Variants in AFF1 observed in about 807,000 individuals in gnomAD.
AFF1 encodes the protein ALF transcription elongation factor 1, also known as AF4/FMR2 family member 1.
In AFF1, 48 loss-of-function variants were observed where a neutral mutation model predicts 121.7. The observed-to-expected ratio is 0.39, with a 90% CI of 0.31 to 0.50. AFF1 has a LOEUF of 0.50. Ranked by LOEUF, AFF1 falls within the 20% of genes least tolerant of loss-of-function variation. The pLI is 0.76. For synonymous variants in AFF1, 613 were observed against 563.0 expected (o/e 1.09, Z -1.26); for missense variants, 1,523 against 1,511.7 (o/e 1.01, Z -0.12).
chr4:86,968,336 T>C (rs1490414377), intron 2 of AFF1, among the ~76,000 whole-genome samples: 5 of 152,222 alleles, frequency 3.3e-5, no homozygotes, highest in Non-Finnish European at 4.4e-5. Flanking sequence ...AAATAATTTA[T>C]AGAAGAATGA....
chr4:87,047,322 A>G lies in AFF1; in HGVS notation c.787A>G (p.Lys263Glu), dbSNP rs1454373811. 6.2e-7 allele frequency: 1 copy of G among 1,614,184 alleles called. No homozygotes were observed. Among genetic ancestry groups the G allele is most frequent in the African/African-American group, 1.3e-5 (1 of 75,036 alleles). ...PKDLAVKVHD[K>E]ETPQDSLVAP... ...GGACCTAGCAGTGAAAGTCCATGAT[A>G]AAGAGACCCCTCAAGACAGTTTGGT... Residue 263 changes from lysine (K) to glutamate (E), a missense_variant, in exon 4 of 21, where the codon AAA (lysine) becomes GAA (glutamate). Lys to Glu is a moderately conservative substitution (Grantham distance 56, BLOSUM62 1). Transcript: ENST00000395146.
intron 2 of AFF1, among the ~76,000 whole-genome samples, chr4:86,958,757 T>G (rs1441584370): frequency 6.6e-6 from 1 of 152,116 alleles, no homozygotes; most frequent in Non-Finnish European, 1.5e-5. Flanking sequence ...TAAAATTGTC[T>G]TCATCTTGAT....
At chr4:87,068,706 A>G (rs758136529) in intron 4 of AFF1, among the ~76,000 whole-genome samples, 1 of 152,184 alleles carries the variant, frequency 6.6e-6, no homozygotes, top group Non-Finnish European at 1.5e-5. Flanking sequence ...TTGAGAGAGC[A>G]TTTTTAGGAG....
chr4:86,936,635 C>T (rs1403590744), intron 1 of AFF1, among the ~76,000 whole-genome samples: 1 of 152,122 alleles, frequency 6.6e-6, no homozygotes. Flanking sequence ...GTGTTTACTT[C>T]CTCTGTCTAA....
intron 11 of AFF1, among the ~76,000 whole-genome samples, chr4:87,109,162 A>T (rs1289396126): frequency 6.6e-6 from 1 of 152,188 alleles, no homozygotes; most frequent in East Asian, 1.9e-4. Flanking sequence ...TATTCCATGT[A>T]TTTAATAAGG....
chr4:86,978,177 C>CTTTTATTTTTTTTTTT (rs1723452142), intron 2 of AFF1, among the ~76,000 whole-genome samples: 1 of 39,324 alleles, frequency 2.5e-5, no homozygotes, highest in African/African-American at 8.7e-5. Context: ...ATTACATTCA[C>CTTTTATTTTTTTTTTT]TTTTTTTTTT....
At chr4:87,040,968 C>T (rs531195481) in intron 2 of AFF1, among the ~76,000 whole-genome samples, 4 of 149,968 alleles carry the variant, frequency 2.7e-5, no homozygotes, top group East Asian at 2.0e-4. Context: ...CTCTACCTCC[C>T]GGGTTCAAGT....
intron 2 of AFF1, among the ~76,000 whole-genome samples, chr4:86,965,179 T>C (rs372840428): frequency 1.3e-5 from 2 of 152,258 alleles, no homozygotes; most frequent in African/African-American, 4.8e-5. Context: ...GACTCAACTG[T>C]TGAAAACTAC....
At chr4:87,015,190 A>G (rs1175543765) in intron 2 of AFF1, among the ~76,000 whole-genome samples, 2 of 152,196 alleles carry the variant, frequency 1.3e-5, no homozygotes, top group Non-Finnish European at 2.9e-5. Flanking sequence ...TGACCTAGCA[A>G]TTACAGCTAT....
chr4:87,040,719 G>C (rs747125709), intron 2 of AFF1, among the ~76,000 whole-genome samples: 1 of 151,610 alleles, frequency 6.6e-6, no homozygotes, highest in Non-Finnish European at 1.5e-5. Context: ...ACAGGCGCCT[G>C]CCACCACACC....
intron 8 of AFF1, 96 bp from the exon 9 acceptor site, chr4:87,105,532 T>G: frequency 7.3e-7 from 1 of 1,376,464 alleles, no homozygotes; most frequent in Non-Finnish European, 1.0e-6. Context: ...ATATCCTCTC[T>G]CTTTGTTTAA....
chr4:87,066,665 C>T (rs1437078198), intron 4 of AFF1, among the ~76,000 whole-genome samples: 1 of 152,134 alleles, frequency 6.6e-6, no homozygotes. Flanking sequence ...TCTTTACTTT[C>T]CCCTCTCAGC....
chr4:87,090,057 C>T lies in AFF1; in HGVS notation c.1178C>T (p.Pro393Leu). 6.2e-7 allele frequency: 1 copy of T among 1,613,852 alleles called. No homozygotes were observed. Among genetic ancestry groups the T allele is most frequent in the African/African-American group, 1.3e-5 (1 of 75,064 alleles). ...TPSTAEPSKF[P>L]FPTKDSQHVS... ...AGTACAGCTGAGCCATCCAAGTTTC[C>T]TTTCCCTACAAAGGTAATTCCTTAA... Residue 393 changes from proline (P) to leucine (L), a missense_variant, in exon 6 of 21, where the codon CCT becomes CTT. Around this residue, in one of 5 missense-constraint regions of AFF1, gnomAD observed 905 missense variants for 842.5 expected, o/e 1.07. Transcript: ENST00000395146.
At chr4:87,134,810 T>C in intron 20 of AFF1, 116 bp downstream of exon 20, 1 of 911,792 alleles carries the variant, frequency 1.1e-6, no homozygotes, top group East Asian at 2.6e-5. Flanking sequence ...GTAGCTGTTT[T>C]ACTTTAATTA....
chr4:87,061,065 T>C (rs1449189923), intron 4 of AFF1, among the ~76,000 whole-genome samples: 2 of 152,192 alleles, frequency 1.3e-5, no homozygotes, highest in Non-Finnish European at 2.9e-5. Context: ...GGTCTGTTGT[T>C]CTGAACCTAA....
At chr4:86,973,332 AG>A (rs1723073486) in intron 2 of AFF1, among the ~76,000 whole-genome samples, 1 of 152,112 alleles carries the variant, frequency 6.6e-6, no homozygotes, top group Admixed American at 6.6e-5. Context: ...CTTTTGTATA[AG>A]GGGGCAGGAT....
chr4:86,952,743 C>T (rs1721447126), intron 2 of AFF1, among the ~76,000 whole-genome samples: 1 of 143,936 alleles, frequency 6.9e-6, no homozygotes, highest in African/African-American at 2.6e-5. Context: ...GGCTGGAGTG[C>T]AGTGGCGTGA....
chr4:86,963,984 T>TTTTTTTTA (rs1553910103), intron 2 of AFF1, among the ~76,000 whole-genome samples: 1 of 144,352 alleles, frequency 6.9e-6, no homozygotes, highest in East Asian at 2.0e-4. Flanking sequence ...TTTTTTTTTT[T>TTTTTTTTA]AGTACAATTT....
chr4:87,102,915 T>G (rs1560626974), intron 8 of AFF1, among the ~76,000 whole-genome samples: 1 of 152,198 alleles, frequency 6.6e-6, no homozygotes, highest in South Asian at 2.1e-4. Flanking sequence ...AGTATGTGCT[T>G]GGCTTCAAAT....
Sources: allele counts gnomAD v4.1 joint callset (sites outside exome capture counted in the v4.1 genomes callset), GRCh38; gene constraint gnomAD v4.1.1; regional missense constraint gnomAD v4.1.1; transcripts MANE v1.5; gene names NCBI Gene and HGNC (gene_info 2026-07-23, HGNC 2026-07-21).